Variants in HMGB1 observed in about 807,000 individuals in gnomAD.
The protein encoded by HMGB1 is high mobility group box 1, also known as high mobility group protein B1.
For missense variants in HMGB1, 79 were observed against 253.5 expected, an observed-to-expected ratio of 0.31 and a Z score of 4.67; for synonymous variants, 81 against 84.0, an observed-to-expected ratio of 0.96 and a Z score of 0.19.
chr13:30,468,651 T>C (rs773335302), upstream of HMGB1, among the ~76,000 whole-genome samples: 3 of 152,152 alleles, frequency 2.0e-5, no homozygotes, highest in Non-Finnish European at 4.4e-5. Context: ...ACAGAGACTA[T>C]ATCAGAGAGA....
At position 30,559,952 on chromosome 13, in the gene HMGB1, A is replaced by G. The variant is rs1869876332; in HGVS notation, c.-15+56719T>C. 6.6e-6 allele frequency among the ~76,000 whole-genome samples: 1 copy of G among 152,192 alleles called. No individual in the cohort carries two copies. The highest frequency in any genetic ancestry group is 6.5e-5 in the Admixed American group (1 of 15,284). On this transcript the variant is annotated intron_variant, in intron 1 of 4. Coordinates refer to the HMGB1 transcript ENST00000405805. This position sits in a 1 kb window ranked among gnomAD's most constrained non-coding sequence, Gnocchi z 6.6. ...ACAGTGAGATGGATGATGCCTTCAC[A>G]TGACTCAGATGTCACGTGTTTCTCA...
At chr13:30,465,100 G>A in intron 1 of HMGB1, 4 of 923,930 alleles carry the variant, frequency 4.3e-6, no homozygotes, top group Non-Finnish European at 5.1e-6. Context: ...CAGCTCCCCC[G>A]CCCGCCCGCC....
intron 1 of HMGB1, among the ~76,000 whole-genome samples, chr13:30,612,812 C>T (rs368182040): frequency 3.3e-5 from 5 of 152,214 alleles, no homozygotes; most frequent in Non-Finnish European, 7.3e-5. Flanking sequence ...ATTACTTCAA[C>T]AAGTACTTAT....
chr13:30,536,282 A>G (rs1868430412), intron 1 of HMGB1, among the ~76,000 whole-genome samples: 1 of 152,220 alleles, frequency 6.6e-6, no homozygotes. Context: ...ATCATAGGGT[A>G]TTAGGATTCA....
intron 1 of HMGB1, among the ~76,000 whole-genome samples, chr13:30,584,109 A>G (rs970987845): frequency 6.6e-6 from 1 of 152,152 alleles, no homozygotes; most frequent in African/African-American, 2.4e-5. Context: ...ACAAAATAAA[A>G]TAAAATAATA....
chr13:30,527,120 G>A (rs763216019), intron 1 of HMGB1, among the ~76,000 whole-genome samples: 2 of 152,224 alleles, frequency 1.3e-5, no homozygotes, highest in Non-Finnish European at 2.9e-5. Context: ...GGGCCGCAGC[G>A]GCTGTGCATC....
At chr13:30,592,871 T>A (rs8000637) in intron 1 of HMGB1, among the ~76,000 whole-genome samples, 11,564 of 139,150 alleles carry the variant, frequency 0.083, 1,139 homozygotes, top group African/African-American at 0.23. Context: ...TGCTTTTTTT[T>A]AAAAAAAAAA....
chr13:30,573,303 C>T (rs1870510309), intron 1 of HMGB1, among the ~76,000 whole-genome samples: 1 of 152,142 alleles, frequency 6.6e-6, no homozygotes, highest in African/African-American at 2.4e-5. Flanking sequence ...CTTAGAAGGA[C>T]AGTATCATTT....
chr13:30,555,038 T>TTG (rs1869618599), intron 1 of HMGB1, among the ~76,000 whole-genome samples: 1 of 132,208 alleles, frequency 7.6e-6, no homozygotes. Flanking sequence ...GTTGTGTTTT[T>TTG]TTTTTTTTTT....
intron 1 of HMGB1, among the ~76,000 whole-genome samples, chr13:30,615,152 T>C (rs2137580093): frequency 1.3e-5 from 2 of 152,344 alleles, no homozygotes. Flanking sequence ...ATGTATACAA[T>C]ATGATAGATG....
At chr13:30,610,690 T>C (rs1235026375) in intron 1 of HMGB1, among the ~76,000 whole-genome samples, 3 of 151,498 alleles carry the variant, frequency 2.0e-5, no homozygotes, top group Non-Finnish European at 1.5e-5. Flanking sequence ...GAGATTAATA[T>C]ATGGCCAAGT....
At chr13:30,482,745 A>G (rs1887260971) in intron 1 of HMGB1, among the ~76,000 whole-genome samples, 1 of 151,512 alleles carries the variant, frequency 6.6e-6, no homozygotes, top group African/African-American at 2.4e-5. Flanking sequence ...TGCGGGAAAT[A>G]AAAAAAATAA....
rs1239445373 is a variant in HMGB1 at position 30,457,006 on chromosome 13, ATATG to A, written c.*4347_*4350del. On this transcript the variant is annotated 3_prime_UTR_variant, in exon 5 of 5. Coordinates refer to ENST00000341423, the MANE Select transcript of HMGB1 (RefSeq NM_002128.7). ...ACAAGTGAGATCGAAAAAAGAAAAA[ATATG>A]TATTATGGAGCACCATACTGTGGAA... 1 of 152,214 alleles carries A rather than the reference ATATG, an allele frequency of 6.6e-6. No individual in the cohort carries two copies. Among genetic ancestry groups the A allele is most frequent in the Admixed American group, 6.5e-5 (1 of 15,282 alleles). 9.4% of individuals were successfully genotyped at this position (152,214 alleles called of 1,614,324 possible). A position where few individuals can be genotyped will look rare whatever the true frequency, so the allele number is the denominator to read the frequency against.
intron 1 of HMGB1, among the ~76,000 whole-genome samples, chr13:30,604,774 C>T (rs537974287): frequency 2.8e-4 from 42 of 152,300 alleles, no homozygotes; most frequent in African/African-American, 9.9e-4. Context: ...TCTCCCACCT[C>T]AGCCTCCCGA....
chr13:30,584,860 A>G (rs1248667347), intron 1 of HMGB1, among the ~76,000 whole-genome samples: 2 of 152,164 alleles, frequency 1.3e-5, no homozygotes, highest in African/African-American at 4.8e-5. Flanking sequence ...AATAAAAAGC[A>G]ATCCAGGCTG....
In HMGB1 at chr13:30,494,527, A is replaced by G. The variant is rs551345741; in HGVS notation, c.-14-30833T>C. 3.3e-5 allele frequency among the ~76,000 whole-genome samples: 5 copies of G among 152,116 alleles called. No individual in the cohort carries two copies. The South Asian group carries it at 6.2e-4, about 19-fold the overall frequency. ...CAGGCGTGCGCCACCAAGCCTGGCT[A>G]ATTTTGTATTTTTAGTAGAGACAGG... On this transcript the variant is annotated intron_variant, in intron 1 of 4. Transcript: ENST00000405805.
At chr13:30,472,599 T>TCAAAA (rs928721225) in intron 1 of HMGB1, among the ~76,000 whole-genome samples, 23 of 148,442 alleles carry the variant, frequency 1.5e-4, no homozygotes, top group African/African-American at 5.7e-4. Context: ...AGACTCCATT[T>TCAAAA]CAAAACAAAA....
At position 30,465,562 on chromosome 13, in the gene HMGB1, G is replaced by A. The variant is rs551576715; in HGVS notation, c.-15+234C>T. Among the ~76,000 whole-genome samples, 475 of 151,174 alleles carry A rather than the reference G, an allele frequency of 3.1e-3. 1 individual carries two copies. Among genetic ancestry groups the A allele is most frequent in the African/African-American group, 0.011 (458 of 41,342 alleles). ...CGCCGCCGGGGGTGGAAACTCGCGG[G>A]GCGCGGGGCTCCCGGCGCCTCAGGC... On this transcript the variant is annotated intron_variant, in intron 1 of 4. Coordinates refer to ENST00000341423, the MANE Select transcript of HMGB1 (RefSeq NM_002128.7).
rs1192392706 is a variant in HMGB1, at chr13:30,483,356, T to C, written c.-14-19662A>G. Among the ~76,000 whole-genome samples, 3 of 151,514 alleles carry C rather than the reference T, an allele frequency of 2.0e-5. No homozygotes were observed. The East Asian group carries it at 5.8e-4, about 29-fold the overall frequency. Reference sequence around the variant, plus strand: ...AAACCTGAGTATCATCATTAACTCCTCCTTTCCCTCACTCCCCGCAACCAG... The same window carrying C: ...AAACCTGAGTATCATCATTAACTCCCCCTTTCCCTCACTCCCCGCAACCAG... On this transcript the variant is annotated intron_variant, in intron 1 of 4. Coordinates refer to the HMGB1 transcript ENST00000405805.
Sources: allele counts gnomAD v4.1 joint callset (sites outside exome capture counted in the v4.1 genomes callset), GRCh38; gene constraint gnomAD v4.1.1; non-coding constraint Gnocchi (gnomAD v3.1); transcripts MANE v1.5; gene names NCBI Gene and HGNC (gene_info 2026-07-23, HGNC 2026-07-21).